The following PRMT7 variants were observed in gnomAD, a reference collection of about 807,000 sequenced individuals.
PRMT7 encodes protein arginine N-methyltransferase 7.
A neutral mutation model predicts 85.4 loss-of-function variants in PRMT7; 75 were observed. The observed-to-expected ratio is 0.88, with a 90% CI of 0.73 to 1.06. The LOEUF is 1.06. Ranked by LOEUF, PRMT7 falls within the 50% of genes least tolerant of loss-of-function variation. PRMT7 has a pLI of 0.00. For synonymous variants in PRMT7, 397 were observed against 359.5 expected, an observed-to-expected ratio of 1.10 and a Z score of -1.18; for missense variants, 868 against 915.2, an observed-to-expected ratio of 0.95 and a Z score of 0.67.
chr16:68,356,983 C>T (rs1487761438), intron 18 of PRMT7, 71 bp from the exon 19 acceptor site: 2 of 1,508,964 alleles, frequency 1.3e-6, no homozygotes, highest in African/African-American at 2.8e-5. Flanking sequence ...GCTGCCTGGG[C>T]TGGAGGCTGG....
At position 68,311,059 on chromosome 16, in the gene PRMT7, A is replaced by G. The variant is rs1453636699; in HGVS notation, c.-259A>G. The stretch of plus-strand genomic sequence containing the variant: ...CGCCCCGCGTGCTGGCCGCGGTAAA[A>G]GTGGTAGCAGCGGAGGCGAGCGGAG... On this transcript the variant is annotated 5_prime_UTR_variant, in exon 1 of 19. Coordinates refer to ENST00000441236, the MANE Select transcript of PRMT7 (RefSeq NM_019023.5). 3 of 844,900 alleles carry G rather than the reference A, an allele frequency of 3.6e-6. No individual in the cohort carries two copies. Among genetic ancestry groups the G allele is most frequent in the Non-Finnish European group, 5.8e-6 (3 of 517,220 alleles). The allele number at this position is 844,900 out of a possible 1,614,324, so 52.3% of individuals were successfully genotyped here.
rs765043510 is a variant in PRMT7, at chr16:68,357,008, C to A, written c.1909-46C>A. ...CTGGAGGCTGGCTAGGAAGGAGGCTCAGGTGCCAGGGAGCCCTCACCATCT... is the reference window on the plus strand; with the variant it reads ...CTGGAGGCTGGCTAGGAAGGAGGCTAAGGTGCCAGGGAGCCCTCACCATCT... On this transcript the variant is annotated intron_variant, in intron 18 of 18. Coordinates refer to ENST00000441236, the MANE Select transcript of PRMT7 (RefSeq NM_019023.5). 3.9e-6 allele frequency: 6 copies of A among 1,553,086 alleles called. No homozygotes were observed. In the South Asian group the frequency reaches 7.3e-5, roughly 19 times the overall value.
chr16:68,356,745 T>C lies in PRMT7; in HGVS notation c.1856T>C (p.Leu619Pro), dbSNP rs2088604164. 1 of 1,611,416 alleles carries C rather than the reference T, an allele frequency of 6.2e-7. No individual in the cohort carries two copies. The highest frequency in any genetic ancestry group is 8.5e-7 in the Non-Finnish European group (1 of 1,179,874). ...GCGGTGCTATGGATGGAGTACCACC[T>C]GACCCCGGAGTGCACGCTCAGCACT... ...HAAVLWMEYHLTPECTLSTGL... is the reference protein window; with the variant it reads ...HAAVLWMEYHPTPECTLSTGL... Residue 619 changes from leucine to proline, a missense_variant, in exon 18 of 19, where the codon CTG becomes CCG. Coordinates refer to ENST00000441236, the MANE Select transcript of PRMT7 (RefSeq NM_019023.5).
chr16:68,322,050 C>T (rs1191762903), intron 4 of PRMT7, among the ~76,000 whole-genome samples: 1 of 151,762 alleles, frequency 6.6e-6, no homozygotes, highest in Admixed American at 6.6e-5. Flanking sequence ...CGAGTTCAAG[C>T]GATTCTCCTG....
intron 16 of PRMT7, chr16:68,354,998 T>C (rs1426216789): frequency 6.6e-6 from 1 of 152,586 alleles, no homozygotes; most frequent in Non-Finnish European, 1.5e-5. Flanking sequence ...TTCGTGCTCC[T>C]GGTGAGCCTC....
intron 9 of PRMT7, among the ~76,000 whole-genome samples, chr16:68,342,577 G>A (rs1165517915): frequency 1.3e-5 from 2 of 152,148 alleles, no homozygotes; most frequent in Non-Finnish European, 2.9e-5. Flanking sequence ...GCTGGTTCTA[G>A]GTGTCCACAA....
chr16:68,333,258 C>T (rs963714440), intron 6 of PRMT7, among the ~76,000 whole-genome samples: 3 of 151,978 alleles, frequency 2.0e-5, no homozygotes, highest in African/African-American at 4.8e-5. Flanking sequence ...CCGAGGCTGG[C>T]GGATCACCTG....
In PRMT7 at chr16:68,339,440, A is replaced by G; in HGVS notation, c.623A>G (p.Gln208Arg). The part of the protein sequence containing the change: ...PIHVQTSLGE[Q>R]VIVPPVDVES... Reference sequence around the variant, plus strand: ...CACGTGCAGACCAGCCTCGGAGAGCAGGTCATCGTCCCTCCCGTTGACGTG... The same window carrying G: ...CACGTGCAGACCAGCCTCGGAGAGCGGGTCATCGTCCCTCCCGTTGACGTG... The change falls in exon 8 of 19, where the codon CAG (glutamine) becomes CGG (arginine). Residue 208 changes from glutamine (Q) to arginine (R), a missense_variant. Coordinates refer to ENST00000441236, the MANE Select transcript of PRMT7 (RefSeq NM_019023.5). The G allele has an allele frequency of 1.9e-6, 3 of 1,614,232 alleles. No homozygotes were observed. Among genetic ancestry groups the G allele is most frequent in the Non-Finnish European group, 2.5e-6 (3 of 1,180,040 alleles).
At chr16:68,319,640 GTGTGGAA>G (rs1310939852) in intron 3 of PRMT7, among the ~76,000 whole-genome samples, 6 of 151,096 alleles carry the variant, frequency 4.0e-5, no homozygotes, top group African/African-American at 1.5e-4. Context: ...GCTCTTCAAA[GTGTGGAA>G]TGTGGACCAC....
chr16:68,341,136 C>T (rs971567772), intron 9 of PRMT7, among the ~76,000 whole-genome samples: 2 of 152,146 alleles, frequency 1.3e-5, no homozygotes, highest in African/African-American at 4.8e-5. Flanking sequence ...TTTTACTATG[C>T]GTCCTTGTAT....
chr16:68,348,357 C>T lies in PRMT7; in HGVS notation c.1339C>T (p.His447Tyr). 6.2e-7 allele frequency: 1 copy of T among 1,605,568 alleles called. No homozygotes were observed. ...TCTTTCTAAGATCTTCAAGGCTAAC[C>T]ACTTGGAAGATAAAATTAACATCAT... ...KLLRKIFKAN[H>Y]LEDKINIIEK... The change falls in exon 14 of 19, where the codon CAC (histidine) becomes TAC (tyrosine). Residue 447 changes from histidine (H) to tyrosine (Y), a missense_variant. By Grantham distance (83) the His-to-Tyr change is moderately conservative. Coordinates refer to ENST00000441236, the MANE Select transcript of PRMT7 (RefSeq NM_019023.5).
At chr16:68,353,398 TGCAGGGAACA>T in intron 15 of PRMT7, 84 bp from the exon 16 acceptor site, 1 of 1,588,560 alleles carries the variant, frequency 6.3e-7, no homozygotes, top group Non-Finnish European at 8.5e-7. Flanking sequence ...CTTTCAGGTG[TGCAGGGAACA>T]GCAAGATGTG....
chr16:68,327,297 C>T (rs1011822497), intron 5 of PRMT7, among the ~76,000 whole-genome samples: 4 of 152,080 alleles, frequency 2.6e-5, no homozygotes, highest in Admixed American at 6.5e-5. Flanking sequence ...TAGGGCCACA[C>T]GTGAGTCTGT....
In PRMT7 at chr16:68,346,599, A is replaced by C. The variant is rs77419857; in HGVS notation, c.1191+319A>C. Among the ~76,000 whole-genome samples, 961 of 151,638 alleles carry C rather than the reference A, an allele frequency of 6.3e-3. 6 individuals carry two copies. The highest frequency in any genetic ancestry group is 0.011 in the Non-Finnish European group (727 of 67,894). On this transcript the variant is annotated intron_variant, in intron 11 of 18. Coordinates refer to ENST00000441236, the MANE Select transcript of PRMT7 (RefSeq NM_019023.5). ...CCACCCCCTCTTTTCATGTGTTGTC[A>C]CCTTTCTAAAATTTTCTAAGATGTA...
At chr16:68,334,909 G>A (rs1309590360) in intron 6 of PRMT7, among the ~76,000 whole-genome samples, 4 of 152,006 alleles carry the variant, frequency 2.6e-5, no homozygotes, top group African/African-American at 9.7e-5. Context: ...CAATTCTCAT[G>A]CCTCAGCCTC....
chr16:68,339,833 CA>C lies in PRMT7; in HGVS notation c.793del (p.Arg265GlyfsTer6), dbSNP rs2085250968. ...QVSSSAACHS[R>X]RFEPLTSGRA... ...TCAGTAGCTCAGCAGCCTGCCATAG[CA>C]GGCGGTTTGAACCTCTGACATCTGG... On this transcript the variant is annotated frameshift_variant, in exon 9 of 19. Transcript: ENST00000441236. LOFTEE classifies it high-confidence loss of function. The C allele has an allele frequency of 6.2e-7, 1 of 1,614,002 alleles. No individual in the cohort carries two copies. The highest frequency in any genetic ancestry group is 8.5e-7 in the Non-Finnish European group (1 of 1,179,958).
chr16:68,324,689 A>C lies in PRMT7; in HGVS notation c.139A>C (p.Lys47Gln), dbSNP rs368653869. Residue 47 changes from lysine (K) to glutamine (Q), a missense_variant, in exon 5 of 19, where the codon AAA (lysine) becomes CAA (glutamine). Coordinates refer to ENST00000441236, the MANE Select transcript of PRMT7 (RefSeq NM_019023.5). ...ACGGCCATGTCTTCCTTAGAATGTA[A>C]AATACTACCAAGGTATCCGGGCTGC... ...DMLHDKDRNV[K>Q]YYQGIRAAVS... 2.2e-5 allele frequency: 35 copies of C among 1,614,114 alleles called. No individual in the cohort carries two copies. Among genetic ancestry groups the C allele is most frequent in the Non-Finnish European group, 2.7e-5 (32 of 1,180,024 alleles).
chr16:68,346,132 T>C lies in PRMT7; in HGVS notation c.1056-13T>C. ...CTCACAGCCCACGTCTGTTTGTTCATCTCCTGGCCTAGCCCTGAAAAGAAT... is the reference window on the plus strand; with the variant it reads ...CTCACAGCCCACGTCTGTTTGTTCACCTCCTGGCCTAGCCCTGAAAAGAAT... On this transcript the variant is annotated splice_polypyrimidine_tract_variant and intron_variant, in intron 10 of 18. Transcript: ENST00000441236. 6.2e-7 allele frequency: 1 copy of C among 1,612,930 alleles called. No individual in the cohort carries two copies. Among genetic ancestry groups the C allele is most frequent in the Non-Finnish European group, 8.5e-7 (1 of 1,180,016 alleles).
intron 2 of PRMT7, among the ~76,000 whole-genome samples, chr16:68,313,721 A>T (rs2044285194): frequency 2.0e-5 from 3 of 152,226 alleles, no homozygotes; most frequent in African/African-American, 4.8e-5. Context: ...GATAAAGTGG[A>T]TTATAGCAAT....
Sources: allele counts gnomAD v4.1 joint callset (sites outside exome capture counted in the v4.1 genomes callset), GRCh38; gene constraint gnomAD v4.1.1; transcripts MANE v1.5; gene names NCBI Gene and HGNC (gene_info 2026-07-23, HGNC 2026-07-21).